The following FBXW4 variants were observed in gnomAD, a reference collection of about 807,000 sequenced individuals.
FBXW4 encodes F-box/WD repeat-containing protein 4.
Under a neutral mutation model 61.8 loss-of-function variants are expected in FBXW4, and 40 were observed. The ratio of observed to expected loss-of-function variants is 0.65; its 90% confidence interval spans 0.50 to 0.84. FBXW4 has a LOEUF of 0.84. Ranked by LOEUF, FBXW4 falls within the 40% of genes least tolerant of loss-of-function variation. The pLI is 0.00. For missense variants in FBXW4, 672 were observed against 753.8 expected (o/e 0.89, Z 1.27); for synonymous variants, 311 against 313.8 (o/e 0.99, Z 0.10).
chr10:101,678,145 TA>T (rs974069037), intron 1 of FBXW4, among the ~76,000 whole-genome samples: 4 of 152,170 alleles, frequency 2.6e-5, no homozygotes, highest in African/African-American at 7.2e-5. Context: ...TTAACAGCAA[TA>T]AGAGAAGAGA....
chr10:101,689,367 C>T (rs953719915), intron 1 of FBXW4, among the ~76,000 whole-genome samples: 1 of 152,200 alleles, frequency 6.6e-6, no homozygotes, highest in African/African-American at 2.4e-5. Context: ...TTCCATTCTT[C>T]CAGTTCGCAT....
At chr10:101,652,285 A>T (rs1367783508) in intron 5 of FBXW4, among the ~76,000 whole-genome samples, 1 of 152,094 alleles carries the variant, frequency 6.6e-6, no homozygotes. Context: ...AGCAGCTCCT[A>T]TGGCTCTGAT....
In FBXW4 at chr10:101,694,754, C is replaced by A. The variant is rs550423798; in HGVS notation, c.352G>T (p.Gly118Trp). ...CTGACCCTCCATTCCTCCTTCTTCC[C>A]ATACTCTCTTCCTTGTGCCTCCTTC... ...AGKEAQGREYGKKEEWRVRAR... is the reference protein window; with the variant it reads ...AGKEAQGREYWKKEEWRVRAR... Residue 118 changes from glycine (G) to tryptophan (W), a missense_variant, in exon 1 of 9, where the codon GGG becomes TGG. Transcript: ENST00000331272. This position sits in a 1 kb window ranked among gnomAD's most constrained non-coding sequence, Gnocchi z 6.0. 5 of 1,361,682 alleles carry A rather than the reference C, an allele frequency of 3.7e-6. No homozygotes were observed. The African/African-American group carries it at 6.1e-5, about 17-fold the overall frequency. 84.3% of individuals were successfully genotyped at this position (1,361,682 alleles called of 1,614,324 possible).
chr10:101,650,858 G>T (rs952460092), intron 5 of FBXW4, among the ~76,000 whole-genome samples: 7 of 152,230 alleles, frequency 4.6e-5, no homozygotes, highest in African/African-American at 1.7e-4. Context: ...TGACAGGGCA[G>T]AGGGGGAGCA....
intron 5 of FBXW4, among the ~76,000 whole-genome samples, chr10:101,653,283 T>C (rs2134863611): frequency 6.6e-6 from 1 of 152,308 alleles, no homozygotes; most frequent in East Asian, 1.9e-4. Context: ...AGCCTGTCTC[T>C]CTCCTCCAAA....
At position 101,611,635 on chromosome 10, in the gene FBXW4, C is replaced by G. The variant is rs1182905954; in HGVS notation, c.1577G>C (p.Cys526Ser). The G allele has an allele frequency of 3.1e-6, 5 of 1,614,142 alleles. No individual in the cohort carries two copies. Among genetic ancestry groups the G allele is most frequent in the Non-Finnish European group, 4.2e-6 (5 of 1,179,992 alleles). The change falls in exon 8 of 9, where the codon TGC (cysteine) becomes TCC (serine). Residue 526 changes from cysteine (C) to serine (S), a missense_variant. Cys to Ser is a moderately radical substitution (Grantham distance 112). Transcript: ENST00000331272. The surrounding 1 kb of genome is among the most constrained non-coding windows in gnomAD (Gnocchi z 4.9). ...GGTGGGCAGGACACTTACGTGCAGG[C>G]AGGCCCTTTGACGCCGGTCCCACAG... ...VRLWDRRQRA[C>S]LHAFPLTSTP...
At chr10:101,675,526 A>G (rs1479777604) in intron 2 of FBXW4, among the ~76,000 whole-genome samples, 1 of 152,094 alleles carries the variant, frequency 6.6e-6, no homozygotes, top group African/African-American at 2.4e-5. Context: ...CATCATCACC[A>G]CCACTACCCA....
At chr10:101,686,467 T>C (rs1004974609) in intron 1 of FBXW4, among the ~76,000 whole-genome samples, 5 of 151,684 alleles carry the variant, frequency 3.3e-5, no homozygotes, top group African/African-American at 1.2e-4. Context: ...AAATGAACAA[T>C]GGCAAGAAAG....
At chr10:101,626,922 G>T (rs1204606596) in intron 5 of FBXW4, 1 of 152,288 alleles carries the variant, frequency 6.6e-6, no homozygotes, top group African/African-American at 2.4e-5. Context: ...GGATGAGGGT[G>T]GTGTGGGGAT....
intron 4 of FBXW4, among the ~76,000 whole-genome samples, chr10:101,671,799 A>G (rs1040531057): frequency 6.6e-6 from 1 of 152,260 alleles, no homozygotes; most frequent in African/African-American, 2.4e-5. Flanking sequence ...GGTAATAGGA[A>G]GCAAGTGACA....
At chr10:101,648,414 T>C (rs528667650) in intron 5 of FBXW4, among the ~76,000 whole-genome samples, 12 of 152,316 alleles carry the variant, frequency 7.9e-5, no homozygotes, top group Non-Finnish European at 1.3e-4. Flanking sequence ...ATGATTTGAT[T>C]GACTAGACAG....
At chr10:101,631,451 TA>T (rs372526656) in intron 5 of FBXW4, among the ~76,000 whole-genome samples, 1 of 151,552 alleles carries the variant, frequency 6.6e-6, no homozygotes, top group African/African-American at 2.4e-5. Flanking sequence ...TTACAACTAC[TA>T]AAAAAAAGAG....
At chr10:101,645,883 C>T (rs1252831061) in intron 5 of FBXW4, among the ~76,000 whole-genome samples, 1 of 152,166 alleles carries the variant, frequency 6.6e-6, no homozygotes, top group Non-Finnish European at 1.5e-5. Context: ...AGGACTCCAA[C>T]ACTGGCTGTG....
At position 101,672,983 on chromosome 10, in the gene FBXW4, G is replaced by A; in HGVS notation, c.1072C>T (p.Gln358Ter). The A allele has an allele frequency of 6.2e-7, 1 of 1,614,030 alleles. No homozygotes were observed. The highest frequency in any genetic ancestry group is 8.5e-7 in the Non-Finnish European group (1 of 1,180,008). ...TFTVKYSAHE[Q>*]EVNCVDCKGG... ...TTGCAATCCACACAGTTCACCTCCTGTTCATGAGCCGAGTACTTGACAGTG... is the reference window on the plus strand; with the variant it reads ...TTGCAATCCACACAGTTCACCTCCTATTCATGAGCCGAGTACTTGACAGTG... The change falls in exon 4 of 9, where the codon CAG becomes TAG. Residue 358 changes from glutamine (Q) to a stop codon, truncating the protein, a stop_gained. Transcript: ENST00000331272. LOFTEE classifies it high-confidence loss of function.
At chr10:101,636,841 G>A (rs554440118) in intron 5 of FBXW4, among the ~76,000 whole-genome samples, 37 of 151,828 alleles carry the variant, frequency 2.4e-4, no homozygotes, top group Non-Finnish European at 4.9e-4. Flanking sequence ...CACCTGCTTC[G>A]GCCTCCCAAA....
chr10:101,687,761 C>T (rs1168501174), intron 1 of FBXW4, among the ~76,000 whole-genome samples: 5 of 152,160 alleles, frequency 3.3e-5, no homozygotes, highest in Non-Finnish European at 7.4e-5. Context: ...TCAATGGCTA[C>T]CCTACACCCC....
intron 5 of FBXW4, among the ~76,000 whole-genome samples, chr10:101,664,515 A>T (rs1332109093): frequency 6.6e-6 from 1 of 152,182 alleles, no homozygotes. Context: ...ACTGACAACC[A>T]TACTCAACAG....
chr10:101,641,845 T>C (rs1234952368), intron 5 of FBXW4, among the ~76,000 whole-genome samples: 1 of 151,696 alleles, frequency 6.6e-6, no homozygotes, highest in Admixed American at 6.6e-5. Flanking sequence ...TCTATAAACA[T>C]ATCACTGTAT....
chr10:101,628,791 C>A (rs1473885120), intron 5 of FBXW4, among the ~76,000 whole-genome samples: 1 of 152,162 alleles, frequency 6.6e-6, no homozygotes, highest in Non-Finnish European at 1.5e-5. Context: ...GTACACATAT[C>A]CCCTCTTAGC....
Sources: allele counts gnomAD v4.1 joint callset (sites outside exome capture counted in the v4.1 genomes callset), GRCh38; gene constraint gnomAD v4.1.1; non-coding constraint Gnocchi (gnomAD v3.1); transcripts MANE v1.5; gene names NCBI Gene and HGNC (gene_info 2026-07-23, HGNC 2026-07-21).